NMT2: variants seen among roughly 807,000 people sequenced by gnomAD.
NMT2 encodes the protein glycylpeptide N-tetradecanoyltransferase 2.
A neutral mutation model predicts 65.4 loss-of-function variants in NMT2; 35 were observed. The observed-to-expected ratio is 0.54, with a 90% CI of 0.41 to 0.71. The LOEUF (loss-of-function observed/expected upper bound fraction) is 0.71. NMT2 is among the 30% of genes least tolerant of loss of function. NMT2 has a pLI of 0.00. For missense variants in NMT2, 489 were observed against 611.3 expected (o/e 0.80, Z 2.11); for synonymous variants, 226 against 231.8 (o/e 0.98, Z 0.23).
At position 15,124,078 on chromosome 10, in the gene NMT2, A is replaced by G. The variant is rs528783258; in HGVS notation, c.999+4272T>C. On this transcript the variant is annotated intron_variant, in intron 8 of 11. Coordinates refer to ENST00000378165, the MANE Select transcript of NMT2 (RefSeq NM_004808.3). ...CACCTTATATGCCTCGACATGTCTA[A>G]GCAAGCACACCCTCCTTGCAGCACA... Among the ~76,000 whole-genome samples the G allele has an allele frequency of 1.1e-4, 16 of 152,346 alleles. No homozygotes were observed. In the South Asian group the frequency reaches 3.1e-3, roughly 30 times the overall value.
chr10:15,166,730 T>C (rs573098330), intron 1 of NMT2, among the ~76,000 whole-genome samples: 74 of 152,346 alleles, frequency 4.9e-4, no homozygotes, highest in South Asian at 1.0e-3. Flanking sequence ...CTTTCTAATA[T>C]ATAAAATGTG....
At chr10:15,147,095 C>CAAAAAAAAAAAAAAAAAAAAAA (rs34668178) in intron 1 of NMT2, among the ~76,000 whole-genome samples, 3 of 44,518 alleles carry the variant, frequency 6.7e-5, no homozygotes, top group African/African-American at 1.1e-4. Context: ...CTCTCGCTCT[C>CAAAAAAAAAAAAAAAAAAAAAA]AAAAAAAAAA....
In NMT2 at chr10:15,108,222, C is replaced by T; in HGVS notation, c.*973G>A. 1.0e-6 allele frequency: 1 copy of T among 973,550 alleles called. No homozygotes were observed. Among genetic ancestry groups the T allele is most frequent in the Non-Finnish European group, 1.2e-6 (1 of 821,450 alleles). The allele number at this position is 973,550 out of a possible 1,614,324, so 60.3% of individuals were successfully genotyped here. A position where few individuals can be genotyped will look rare whatever the true frequency, so the allele number is the denominator to read the frequency against. On this transcript the variant is annotated 3_prime_UTR_variant, in exon 12 of 12. Coordinates refer to ENST00000378165, the MANE Select transcript of NMT2 (RefSeq NM_004808.3). ...TTTTTTTGAGACGGAGTCTCACGCTCTGTCACCCAGGCTGGAGTGCAGTGG... is the reference window on the plus strand; with the variant it reads ...TTTTTTTGAGACGGAGTCTCACGCTTTGTCACCCAGGCTGGAGTGCAGTGG...
intron 2 of NMT2, among the ~76,000 whole-genome samples, chr10:15,137,497 G>A (rs1414073063): frequency 4.6e-5 from 7 of 151,956 alleles, no homozygotes; most frequent in Non-Finnish European, 1.0e-4. Context: ...ACATTAAAAG[G>A]AGCAAATTTC....
chr10:15,149,106 G>A (rs749671244), intron 1 of NMT2, among the ~76,000 whole-genome samples: 6 of 146,520 alleles, frequency 4.1e-5, no homozygotes, highest in Non-Finnish European at 6.0e-5. Flanking sequence ...TACTAACATC[G>A]TCACCATTAT....
intron 11 of NMT2, among the ~76,000 whole-genome samples, 184 bp downstream of exon 11, chr10:15,109,518 C>G (rs1379717631): frequency 6.6e-6 from 1 of 152,124 alleles, no homozygotes; most frequent in Admixed American, 6.6e-5. Flanking sequence ...TTGCAGTGAG[C>G]TGAGATCATG....
At chr10:15,132,202 C>T (rs1329608807) in intron 6 of NMT2, among the ~76,000 whole-genome samples, 3 of 151,960 alleles carry the variant, frequency 2.0e-5, no homozygotes, top group East Asian at 3.9e-4. Flanking sequence ...TATGTGTGAG[C>T]ATGTATGAGA....
chr10:15,123,552 A>G (rs1327354931), intron 8 of NMT2, among the ~76,000 whole-genome samples: 3 of 151,576 alleles, frequency 2.0e-5, no homozygotes, highest in African/African-American at 2.4e-5. Context: ...AAAAAAAAAA[A>G]AAAGAAATAA....
intron 8 of NMT2, among the ~76,000 whole-genome samples, chr10:15,127,979 A>T (rs1589312115): frequency 6.6e-6 from 1 of 152,068 alleles, no homozygotes; most frequent in Admixed American, 6.6e-5. Flanking sequence ...CATTATTTCC[A>T]CTCGCTGGGT....
intron 1 of NMT2, among the ~76,000 whole-genome samples, chr10:15,143,432 TA>T (rs768335378): frequency 5.3e-5 from 8 of 152,230 alleles, no homozygotes; most frequent in Non-Finnish European, 1.0e-4. Context: ...ACTTCCACTT[TA>T]AAATATCTCC....
chr10:15,113,047 C>A, intron 9 of NMT2, 84 bp from the exon 10 acceptor site: 2 of 1,365,812 alleles, frequency 1.5e-6, no homozygotes, highest in Non-Finnish European at 2.1e-6. Flanking sequence ...CTCTCCCTTG[C>A]CCCAGAGAAC....
At chr10:15,144,306 G>A (rs1846881839) in intron 1 of NMT2, among the ~76,000 whole-genome samples, 1 of 152,154 alleles carries the variant, frequency 6.6e-6, no homozygotes, top group East Asian at 1.9e-4. Flanking sequence ...AATGATGAGA[G>A]GCAGAGCTTC....
At position 15,130,266 on chromosome 10, in the gene NMT2, ACTT is replaced by A. The variant is rs1846231738; in HGVS notation, c.763_765del (p.Lys255del). On this transcript the variant is annotated inframe_deletion, in exon 7 of 12. Transcript: ENST00000378165. ...ACTGGGGCTACCCGTTTCGATCTCA[ACTT>A]CTTATGAACACAAAGAAAGTTGATT... 1 of 1,605,264 alleles carries A rather than the reference ACTT, an allele frequency of 6.2e-7. No homozygotes were observed. Among genetic ancestry groups the A allele is most frequent in the Non-Finnish European group, 8.5e-7 (1 of 1,175,214 alleles).
chr10:15,137,891 CCCTA>C (rs1846572628), intron 2 of NMT2, among the ~76,000 whole-genome samples: 1 of 152,162 alleles, frequency 6.6e-6, no homozygotes, highest in Non-Finnish European at 1.5e-5. Flanking sequence ...GTGATTTATT[CCCTA>C]CCTAATTAGC....
At chr10:15,145,538 T>G (rs538956737) in intron 1 of NMT2, among the ~76,000 whole-genome samples, 4 of 152,130 alleles carry the variant, frequency 2.6e-5, no homozygotes, top group South Asian at 2.1e-4. Flanking sequence ...TGCCACCACG[T>G]CCAGCTAATT....
chr10:15,164,008 T>C (rs902114201), intron 1 of NMT2, among the ~76,000 whole-genome samples: 3 of 151,796 alleles, frequency 2.0e-5, no homozygotes, highest in African/African-American at 7.3e-5. Flanking sequence ...TGAAACCCCG[T>C]CTCTACTAAA....
At chr10:15,117,110 A>C (rs1044541252) in intron 9 of NMT2, among the ~76,000 whole-genome samples, 1 of 152,148 alleles carries the variant, frequency 6.6e-6, no homozygotes, top group Non-Finnish European at 1.5e-5. Context: ...CAAAAAAGGC[A>C]CTCCAGAGAG....
chr10:15,141,576 T>A lies in NMT2; in HGVS notation c.111-19A>T. 6.3e-7 allele frequency: 1 copy of A among 1,590,714 alleles called. No individual in the cohort carries two copies. Among genetic ancestry groups the A allele is most frequent in the South Asian group, 1.1e-5 (1 of 88,224 alleles). On this transcript the variant is annotated intron_variant, in intron 1 of 11. Transcript: ENST00000378165. Reference sequence around the variant, plus strand: ...AGGACTTCTGCAGGAAATGCAAAGATGGTGAAACCAACCAACAAACAAAAA... The same window carrying A: ...AGGACTTCTGCAGGAAATGCAAAGAAGGTGAAACCAACCAACAAACAAAAA...
rs548010629 is a variant in NMT2 at position 15,122,533 on chromosome 10, C to A, written c.1000-3020G>T. 2.0e-5 allele frequency among the ~76,000 whole-genome samples: 3 copies of A among 152,154 alleles called. No homozygotes were observed. In the South Asian group the frequency reaches 6.2e-4, roughly 32 times the overall value. On this transcript the variant is annotated intron_variant, in intron 8 of 11. Coordinates refer to ENST00000378165, the MANE Select transcript of NMT2 (RefSeq NM_004808.3). ...CCCGGGTTCAAGTGATTTGATCCTG[C>A]CTCAGCTTCCCAAGTAGCTAGGATT...
Sources: gnomAD v4.1 joint callset for allele counts (sites outside exome capture counted in the v4.1 genomes callset) on GRCh38, gnomAD v4.1.1 for gene constraint, MANE v1.5 for transcripts, NCBI Gene and HGNC (gene_info 2026-07-23, HGNC 2026-07-21) for gene names.